The following SLC27A4 variants were observed in gnomAD, a reference collection of about 807,000 sequenced individuals.
SLC27A4 encodes long-chain fatty acid transport protein 4.
A neutral mutation model predicts 64.4 loss-of-function variants in SLC27A4; 33 were observed. The ratio of observed to expected loss-of-function variants is 0.51; its 90% confidence interval spans 0.39 to 0.68. The LOEUF is 0.68. Ranked by LOEUF, SLC27A4 falls within the 30% of genes least tolerant of loss-of-function variation. The probability of loss-of-function intolerance (pLI) is 0.00; values close to 1 mark genes in which losing one functional copy is unlikely to be tolerated. For missense variants in SLC27A4, 824 were observed against 883.5 expected, an observed-to-expected ratio of 0.93 and a Z score of 0.85; for synonymous variants, 377 against 370.0, an observed-to-expected ratio of 1.02 and a Z score of -0.22.
At chr9:128,351,368 A>G in intron 6 of SLC27A4, among the ~76,000 whole-genome samples, 1 of 152,006 alleles carries the variant, frequency 6.6e-6, no homozygotes, top group Non-Finnish European at 1.5e-5. Context: ...CAAAGGTTGC[A>G]GTGAGCTGAG....
In SLC27A4 at chr9:128,353,307, G is replaced by C; in HGVS notation, c.1197+73G>C. 1 of 1,608,682 alleles carries C rather than the reference G, an allele frequency of 6.2e-7. No homozygotes were observed. The highest frequency in any genetic ancestry group is 8.5e-7 in the Non-Finnish European group (1 of 1,175,964). On this transcript the variant is annotated intron_variant, in intron 8 of 12. Coordinates refer to ENST00000300456, the MANE Select transcript of SLC27A4 (RefSeq NM_005094.4). The surrounding 1 kb of genome is among the most constrained non-coding windows in gnomAD (Gnocchi z 4.9). ...AGAAGGCACTGGATGCAGAGGGGAG[G>C]GCAGAGTTCGAGCGTGAGAGTGTGG... is the stretch of plus-strand genomic sequence containing the variant.
intron 12 of SLC27A4, 113 bp downstream of exon 12, chr9:128,355,909 G>A: frequency 1.4e-6 from 2 of 1,414,898 alleles, no homozygotes; most frequent in South Asian, 2.3e-5. Flanking sequence ...CGGGCAGTTG[G>A]TAAAGTGACC....
chr9:128,353,015 T>G lies in SLC27A4; in HGVS notation c.988-10T>G. On this transcript the variant is annotated splice_polypyrimidine_tract_variant and intron_variant, in intron 7 of 12. Coordinates refer to ENST00000300456, the MANE Select transcript of SLC27A4 (RefSeq NM_005094.4). The surrounding 1 kb of genome is among the most constrained non-coding windows in gnomAD (Gnocchi z 4.9). ...TCTGGAGCCTCGAATCACACCAAGT[T>G]CACCCCCAGATTGTGCAGTACATTG... 6.2e-7 allele frequency: 1 copy of G among 1,610,722 alleles called. No homozygotes were observed. The highest frequency in any genetic ancestry group is 1.7e-4 in the Middle Eastern group (1 of 6,056).
intron 9 of SLC27A4, among the ~76,000 whole-genome samples, chr9:128,354,307 C>A (rs1441630112): frequency 6.6e-6 from 1 of 152,222 alleles, no homozygotes; most frequent in African/African-American, 2.4e-5. Flanking sequence ...GAGATTTATT[C>A]TGGCTCAGCT....
intron 4 of SLC27A4, 124 bp from the exon 5 acceptor site, chr9:128,350,188 G>T (rs1564400915): frequency 9.2e-6 from 7 of 762,122 alleles, no homozygotes; most frequent in Non-Finnish European, 1.6e-5. Flanking sequence ...ATCAGAACAG[G>T]CTTCCTAGCA....
Position 128,352,194 on chromosome 9 carries a change from C to CA in SLC27A4, c.878-428dup, listed in dbSNP as rs71495688. Among the ~76,000 whole-genome samples, 340 of 92,284 alleles carry CA rather than the reference C, an allele frequency of 3.7e-3. 2 individuals carry two copies. The highest frequency in any genetic ancestry group is 9.6e-3 in the South Asian group (29 of 3,020). 60.5% of individuals were successfully genotyped at this position (92,284 alleles called of 152,430 possible). A position where few individuals can be genotyped will look rare whatever the true frequency, so the allele number is the denominator to read the frequency against. On this transcript the variant is annotated intron_variant, in intron 6 of 12. Coordinates refer to ENST00000300456, the MANE Select transcript of SLC27A4 (RefSeq NM_005094.4). The stretch of plus-strand genomic sequence containing the variant: ...TGGGCGACAGAGCGAGACTCCGTCT[C>CA]AAAAAAAAAAAAAAAAGTTGTTTTA...
At position 128,353,256 on chromosome 9, in the gene SLC27A4, G is replaced by C; in HGVS notation, c.1197+22G>C. On this transcript the variant is annotated intron_variant, in intron 8 of 12. Coordinates refer to ENST00000300456, the MANE Select transcript of SLC27A4 (RefSeq NM_005094.4). This position sits in a 1 kb window ranked among gnomAD's most constrained non-coding sequence, Gnocchi z 4.9. ...CCAGGTGCGGCCAGGTTGGGGATGGGCGAGGCTGCTGCAGGGATGGCCCAC... is the reference window on the plus strand; with the variant it reads ...CCAGGTGCGGCCAGGTTGGGGATGGCCGAGGCTGCTGCAGGGATGGCCCAC... 1 of 1,613,010 alleles carries C rather than the reference G, an allele frequency of 6.2e-7. No individual in the cohort carries two copies. Among genetic ancestry groups the C allele is most frequent in the Non-Finnish European group, 8.5e-7 (1 of 1,179,506 alleles).
In SLC27A4 at chr9:128,355,039, C is replaced by T. The variant is rs1378122459; in HGVS notation, c.1325-14C>T. On this transcript the variant is annotated splice_polypyrimidine_tract_variant and intron_variant, in intron 9 of 12. Transcript: ENST00000300456. ...CTGCCTAGGGCAGATCTGACCCTGC[C>T]TTCCCCACCCCAGGTGAGCCGGGCC... The T allele has an allele frequency of 3.7e-6, 6 of 1,609,022 alleles. No individual in the cohort carries two copies. Among genetic ancestry groups the T allele is most frequent in the Middle Eastern group, 1.7e-4 (1 of 5,952 alleles).
chr9:128,342,778 C>G, intron 1 of SLC27A4: 1 of 376,948 alleles, frequency 2.7e-6, no homozygotes, highest in Non-Finnish European at 5.0e-6. Flanking sequence ...AAAAAAAGAA[C>G]ACGTCTCACT....
At position 128,353,191 on chromosome 9, in the gene SLC27A4, G is replaced by A; in HGVS notation, c.1154G>A (p.Gly385Glu). The A allele has an allele frequency of 6.2e-7, 1 of 1,614,152 alleles. No homozygotes were observed. The highest frequency in any genetic ancestry group is 8.5e-7 in the Non-Finnish European group (1 of 1,180,040). ...ATACCCCAGGTGGCTGAGTTCTACG[G>A]GGCCACAGAGTGCAACTGTAGCCTG... ...FHIPQVAEFY[G>E]ATECNCSLGN... The change falls in exon 8 of 13, where the codon GGG becomes GAG. Residue 385 changes from glycine (G) to glutamate (E), a missense_variant. Coordinates refer to ENST00000300456, the MANE Select transcript of SLC27A4 (RefSeq NM_005094.4). This position sits in a 1 kb window ranked among gnomAD's most constrained non-coding sequence, Gnocchi z 4.9.
rs587776374 is a variant in SLC27A4, at chr9:128,360,321, C to T, written c.1775-13C>T. On this transcript the variant is annotated splice_polypyrimidine_tract_variant and intron_variant, in intron 12 of 12. Coordinates refer to ENST00000300456, the MANE Select transcript of SLC27A4 (RefSeq NM_005094.4). ...CCCTGCCCTGCACTGAGTCTTCTTCCCTGCTCTCCCAGGAACCTACAAGTT... is the reference window on the plus strand; with the variant it reads ...CCCTGCCCTGCACTGAGTCTTCTTCTCTGCTCTCCCAGGAACCTACAAGTT... 127 of 1,613,896 alleles carry T rather than the reference C, an allele frequency of 7.9e-5. No homozygotes were observed. The East Asian group carries it at 2.8e-3, about 35-fold the overall frequency.
At chr9:128,348,875 G>C (rs544793245) in intron 4 of SLC27A4, among the ~76,000 whole-genome samples, 172 bp downstream of exon 4, 124 of 152,320 alleles carry the variant, frequency 8.1e-4, no homozygotes, top group African/African-American at 2.7e-3. Flanking sequence ...GCCACTCCAG[G>C]GTTACTGTGA....
chr9:128,343,398 CAGCTG>C (rs2131250477), intron 2 of SLC27A4, 105 bp downstream of exon 2: 1 of 1,367,674 alleles, frequency 7.3e-7, no homozygotes, highest in East Asian at 2.3e-5. Flanking sequence ...CAGCACAGGG[CAGCTG>C]AGCTGAGTTC....
chr9:128,355,213 C>T (rs369764019), intron 10 of SLC27A4, 23 bp downstream of exon 10: 15 of 1,611,392 alleles, frequency 9.3e-6, no homozygotes, highest in Non-Finnish European at 1.2e-5. Context: ...CCCTTCACAG[C>T]CCCTTCCTGA....
intron 12 of SLC27A4, among the ~76,000 whole-genome samples, chr9:128,357,925 T>C (rs1832844045): frequency 6.6e-6 from 1 of 152,150 alleles, no homozygotes; most frequent in African/African-American, 2.4e-5. Context: ...GTTCTGAAGG[T>C]TGGAGACACT....
At chr9:128,358,107 T>C (rs1482357797) in intron 12 of SLC27A4, among the ~76,000 whole-genome samples, 1 of 152,246 alleles carries the variant, frequency 6.6e-6, no homozygotes, top group Non-Finnish European at 1.5e-5. Context: ...AACCAGTTTA[T>C]TGATGCATAA....
rs752345670 is a variant in SLC27A4 at position 128,345,563 on chromosome 9, G to C, written c.556+14G>C. ...AAATGGCCTCAGGTGAGCCCCAAGG[G>C]GGCGGGGGACAAGCAGGAACCCCAT... On this transcript the variant is annotated intron_variant, in intron 3 of 12. Transcript: ENST00000300456. This position sits in a 1 kb window ranked among gnomAD's most constrained non-coding sequence, Gnocchi z 4.1. 2.5e-6 allele frequency: 4 copies of C among 1,594,598 alleles called. No homozygotes were observed. Among genetic ancestry groups the C allele is most frequent in the Non-Finnish European group, 3.4e-6 (4 of 1,173,886 alleles).
chr9:128,351,697 A>C (rs903735993), intron 6 of SLC27A4, among the ~76,000 whole-genome samples: 1 of 152,202 alleles, frequency 6.6e-6, no homozygotes, highest in African/African-American at 2.4e-5. Flanking sequence ...AGCCTGGGTG[A>C]CAGGGCAAGA....
At chr9:128,342,144 C>A in intron 1 of SLC27A4, 1 of 986,800 alleles carries the variant, frequency 1.0e-6, no homozygotes, top group Non-Finnish European at 1.6e-6. Context: ...CCTCTTAGAA[C>A]ACGTCTCAGG....
Sources: allele counts gnomAD v4.1 joint callset (sites outside exome capture counted in the v4.1 genomes callset), GRCh38; gene constraint gnomAD v4.1.1; non-coding constraint Gnocchi (gnomAD v3.1); transcripts MANE v1.5; gene names NCBI Gene and HGNC (gene_info 2026-07-23, HGNC 2026-07-21).